Variants in POLR1B observed in about 807,000 individuals in gnomAD.
The protein encoded by POLR1B is RNA polymerase I subunit B.
In POLR1B, 30 loss-of-function variants were observed where a neutral mutation model predicts 105.8. The ratio of observed to expected loss-of-function variants is 0.28; its 90% CI spans 0.21 to 0.38. The LOEUF (loss-of-function observed/expected upper bound fraction) is 0.38, where lower values mean the gene tolerates loss of function less well. POLR1B is among the 10% of genes least tolerant of loss of function. The probability of loss-of-function intolerance (pLI) is 1.00; values close to 1 mark genes in which losing one functional copy is unlikely to be tolerated. For missense variants in POLR1B, 976 were observed against 1,435.8 expected (o/e 0.68, Z 5.17); for synonymous variants, 485 against 505.1 (o/e 0.96, Z 0.53).
chr2:112,549,589 A>G (rs2104515367), intron 4 of POLR1B, among the ~76,000 whole-genome samples, 190 bp downstream of exon 4: 1 of 147,472 alleles, frequency 6.8e-6, no homozygotes. Context: ...CTTCTGCCTC[A>G]GCCTCCCAAA....
chr2:112,568,219 T>A, intron 11 of POLR1B, 82 bp downstream of exon 11: 3 of 1,353,754 alleles, frequency 2.2e-6, no homozygotes, highest in African/African-American at 1.5e-5. Context: ...CTTCCTTTTT[T>A]AAAAGGGTTG....
intron 14 of POLR1B, 105 bp from the exon 15 acceptor site, chr2:112,574,742 A>ATTTTT: frequency 1.0e-6 from 1 of 961,136 alleles, no homozygotes; most frequent in Non-Finnish European, 1.5e-6. Context: ...AAAAAAAAAA[A>ATTTTT]AAAGTTTTAC....
chr2:112,561,202 G>A lies in POLR1B; in HGVS notation c.1612+1628G>A, dbSNP rs73955240. On this transcript the variant is annotated intron_variant, in intron 9 of 14. Transcript: ENST00000263331. ...TACGAGGAAAAGAATTTTGTTACTC[G>A]TGATTCAAAATGTCAAAGTCCAGGA... 6.7e-3 allele frequency among the ~76,000 whole-genome samples: 1,019 copies of A among 152,268 alleles called. 17 individuals are homozygous for A. The highest frequency in any genetic ancestry group is 0.023 in the African/African-American group (962 of 41,528).
rs181539413 is a variant in POLR1B at position 112,575,303 on chromosome 2, A to T, written c.2982A>T (p.Ile994=). 6.2e-7 allele frequency: 1 copy of T among 1,614,134 alleles called. No homozygotes were observed. The highest frequency in any genetic ancestry group is 2.2e-5 in the East Asian group (1 of 44,882). The part of the protein sequence containing the change: ...SGLELEADIF[I]GVVYYQRLRH... ...TAGAACTGGAAGCAGACATCTTCAT[A>T]GGAGTGGTTTATTATCAGCGCTTAC... is the stretch of plus-strand genomic sequence containing the variant. The change falls in exon 15 of 15, where the codon ATA becomes ATT. Residue 994 remains isoleucine, a synonymous_variant. Transcript: ENST00000263331. The surrounding 1 kb of genome is among the most constrained non-coding windows in gnomAD (Gnocchi z 5.3).
chr2:112,569,418 C>T (rs1452144602), intron 12 of POLR1B, among the ~76,000 whole-genome samples: 1 of 152,152 alleles, frequency 6.6e-6, no homozygotes, highest in African/African-American at 2.4e-5. Flanking sequence ...TTTTGCTTCA[C>T]TTGAAGGAAT....
chr2:112,569,562 CTT>C (rs1290911320), intron 12 of POLR1B, among the ~76,000 whole-genome samples: 20 of 140,478 alleles, frequency 1.4e-4, no homozygotes, highest in Admixed American at 1.4e-4. Context: ...TAGTGTGTTT[CTT>C]TTTTTTTTTT....
At chr2:112,557,523 A>G (rs1224535797) in intron 7 of POLR1B, among the ~76,000 whole-genome samples, 1 of 152,258 alleles carries the variant, frequency 6.6e-6, no homozygotes, top group Admixed American at 6.5e-5. Flanking sequence ...CGTTTGTTAA[A>G]GATCGTACAG....
chr2:112,557,957 G>A lies in POLR1B; in HGVS notation c.1206G>A (p.Lys402=), dbSNP rs1210930152. The A allele has an allele frequency of 2.9e-6, 4 of 1,399,878 alleles. No homozygotes were observed. The highest frequency in any genetic ancestry group is 3.8e-6 in the Non-Finnish European group (4 of 1,063,574). The allele number at this position is 1,399,878 out of a possible 1,614,324, so 86.7% of individuals were successfully genotyped here. A position where few individuals can be genotyped will look rare whatever the true frequency, so the allele number is the denominator to read the frequency against. Residue 402 remains lysine (K), a synonymous_variant, in exon 8 of 15, where the codon AAG becomes AAA. Coordinates refer to ENST00000263331, the MANE Select transcript of POLR1B (RefSeq NM_019014.6). ...TGTCTATTAAAATAGCTTTTGATAA[G>A]AAGGCTCAGAAGACCAGTGTTTCCA... ...WLVSIKIAFD[K]KAQKTSVSMN...
chr2:112,556,573 C>T (rs1444882175), intron 7 of POLR1B, among the ~76,000 whole-genome samples: 2 of 152,130 alleles, frequency 1.3e-5, no homozygotes, highest in Non-Finnish European at 2.9e-5. Flanking sequence ...GTTAGGTCTT[C>T]CAAGTGTGAG....
At chr2:112,560,638 G>A (rs151321442) in intron 9 of POLR1B, among the ~76,000 whole-genome samples, 150 of 152,148 alleles carry the variant, frequency 9.9e-4, no homozygotes, top group Non-Finnish European at 1.5e-3. Context: ...TGTGGACAGG[G>A]TCCTCAGTGG....
At chr2:112,546,899 T>C in intron 1 of POLR1B, 113 bp from the exon 2 acceptor site, 1 of 1,181,850 alleles carries the variant, frequency 8.5e-7, no homozygotes, top group Non-Finnish European at 1.2e-6. Context: ...TTTAGGTGTG[T>C]CATGGTGGCA....
At chr2:112,563,194 A>G (rs2104553150) in intron 9 of POLR1B, among the ~76,000 whole-genome samples, 1 of 151,506 alleles carries the variant, frequency 6.6e-6, no homozygotes. Flanking sequence ...AGCTGGGACT[A>G]CAGGCGCCCG....
chr2:112,550,239 G>C (rs1683297037), intron 4 of POLR1B, among the ~76,000 whole-genome samples: 1 of 152,232 alleles, frequency 6.6e-6, no homozygotes, highest in African/African-American at 2.4e-5. Flanking sequence ...GGCCACTGTG[G>C]TACACCCCTC....
intron 7 of POLR1B, chr2:112,553,284 G>C (rs1040491775): frequency 6.6e-6 from 1 of 152,336 alleles, no homozygotes; most frequent in African/African-American, 2.4e-5. Flanking sequence ...TCCGGTTTCA[G>C]CTCATACTAT....
Position 112,547,583 on chromosome 2 carries a change from C to T in POLR1B, c.492+16C>T. The T allele has an allele frequency of 1.2e-6, 2 of 1,612,746 alleles. No homozygotes were observed. The highest frequency in any genetic ancestry group is 1.7e-6 in the Non-Finnish European group (2 of 1,179,354). ...GGAGGCAGAGGTAATGACGGGCGTCCAGGCATGAGACAGTAGAGAAGGCCT... is the reference window on the plus strand; with the variant it reads ...GGAGGCAGAGGTAATGACGGGCGTCTAGGCATGAGACAGTAGAGAAGGCCT... On this transcript the variant is annotated intron_variant, in intron 3 of 14. Coordinates refer to ENST00000263331, the MANE Select transcript of POLR1B (RefSeq NM_019014.6).
intron 1 of POLR1B, among the ~76,000 whole-genome samples, chr2:112,543,988 C>T (rs1682904680): frequency 6.6e-6 from 1 of 151,518 alleles, no homozygotes; most frequent in African/African-American, 2.4e-5. Flanking sequence ...ACTCGGGAGG[C>T]TGAGGTGGGA....
chr2:112,551,297 C>T (rs1041844904), intron 5 of POLR1B, among the ~76,000 whole-genome samples: 4 of 152,200 alleles, frequency 2.6e-5, no homozygotes, highest in Non-Finnish European at 5.9e-5. Flanking sequence ...CAAGGTGGCT[C>T]ACTCACATGG....
In POLR1B at chr2:112,577,239, A is replaced by G. The variant is rs914564367; in HGVS notation, c.*1510A>G. ...CAGATAGGAACAGACAGAAAAATCT[A>G]TCATTTCAAGATAGGCTTAGCAGGA... is the stretch of plus-strand genomic sequence containing the variant. On this transcript the variant is annotated 3_prime_UTR_variant, in exon 15 of 15. Coordinates refer to ENST00000263331, the MANE Select transcript of POLR1B (RefSeq NM_019014.6). 6.6e-6 allele frequency: 1 copy of G among 152,272 alleles called. No individual in the cohort carries two copies. The highest frequency in any genetic ancestry group is 2.4e-5 in the African/African-American group (1 of 41,476). The allele number at this position is 152,272 out of a possible 1,614,324, so 9.4% of individuals were successfully genotyped here.
chr2:112,553,779 T>G (rs1013032828), intron 7 of POLR1B: 10 of 152,236 alleles, frequency 6.6e-5, no homozygotes, highest in African/African-American at 2.4e-4. Flanking sequence ...GACCAGAGAC[T>G]TGCAGGAACC....
Sources: gnomAD v4.1 joint callset for allele counts (sites outside exome capture counted in the v4.1 genomes callset) on GRCh38, gnomAD v4.1.1 for gene constraint, Gnocchi (gnomAD v3.1) non-coding constraint, MANE v1.5 for transcripts, NCBI Gene and HGNC (gene_info 2026-07-23, HGNC 2026-07-21) for gene names.